The following NTRK1 variants were observed in gnomAD, a reference collection of about 807,000 sequenced individuals.
NTRK1 encodes the protein high affinity nerve growth factor receptor.
NTRK1 carries 62 observed loss-of-function variants against 86.8 expected under a neutral mutation model. The observed-to-expected ratio is 0.71, with a 90% CI of 0.58 to 0.88. The LOEUF (loss-of-function observed/expected upper bound fraction) is 0.88. NTRK1 is among the 40% of genes least tolerant of loss of function. NTRK1 has a pLI of 0.00. For missense variants in NTRK1, 967 were observed against 1,078.4 expected, an observed-to-expected ratio of 0.90 and a Z score of 1.45; for synonymous variants, 469 against 456.6, an observed-to-expected ratio of 1.03 and a Z score of -0.35.
At chr1:156,844,424 G>A in intron 2 of NTRK1, 1 of 1,601,320 alleles carries the variant, frequency 6.2e-7, no homozygotes, top group Non-Finnish European at 8.5e-7. Context: ...AGGTAGGGCT[G>A]TTCGGTGATA....
chr1:156,872,257 A>T (rs1432584261), intron 7 of NTRK1, among the ~76,000 whole-genome samples: 2 of 152,130 alleles, frequency 1.3e-5, no homozygotes, highest in African/African-American at 4.8e-5. Context: ...AACAATAATT[A>T]CTCTTACCAG....
At position 156,870,368 on chromosome 1, in the gene NTRK1, C is replaced by A. The variant is rs1204757341; in HGVS notation, c.718-1255C>A. 2.0e-5 allele frequency among the ~76,000 whole-genome samples: 3 copies of A among 152,058 alleles called. No homozygotes were observed. In the East Asian group the frequency reaches 5.8e-4, roughly 29 times the overall value. The stretch of plus-strand genomic sequence containing the variant: ...TTTGAGACCAGCCTGGGCAACAAAG[C>A]AAGACCCTATCTCTTAAAAAAAATT... On this transcript the variant is annotated intron_variant, in intron 6 of 16. Transcript: ENST00000524377.
chr1:156,831,076 C>A (rs1310522383), intron 1 of NTRK1, among the ~76,000 whole-genome samples: 3 of 152,216 alleles, frequency 2.0e-5, no homozygotes, highest in Admixed American at 1.3e-4. Context: ...TCCCAAATGT[C>A]ATCCTCTCTC....
intron 3 of NTRK1, among the ~76,000 whole-genome samples, chr1:156,865,500 C>T (rs1041088170): frequency 1.3e-5 from 2 of 152,236 alleles, no homozygotes; most frequent in East Asian, 3.8e-4. Context: ...TCACTCACCG[C>T]TGCTCACCTC....
At position 156,879,841 on chromosome 1, in the gene NTRK1, C is replaced by T. The variant is rs562026647; in HGVS notation, c.2047-158C>T. ...GGCCAGGATGGTCTCGATCTCCTGA[C>T]CTCGTGATTGCCCACCTCGGCCTCC... On this transcript the variant is annotated intron_variant, in intron 15 of 16. Coordinates refer to ENST00000524377, the MANE Select transcript of NTRK1 (RefSeq NM_002529.4). Among the ~76,000 whole-genome samples, 225 of 152,224 alleles carry T rather than the reference C, an allele frequency of 1.5e-3. 1 individual carries two copies. The highest frequency in any genetic ancestry group is 5.0e-3 in the Admixed American group (76 of 15,298).
Position 156,880,057 on chromosome 1 carries a change from G to A in NTRK1, c.2105G>A (p.Arg702His), listed in dbSNP as rs200022271. ...RWMPPESILY[R>H]KFTTESDVWS... is the part of the protein sequence containing the mutation. Reference sequence around the variant, plus strand: ...ATGCCGCCCGAGAGCATCCTGTACCGTAAGTTCACCACCGAGAGCGACGTG... The same window carrying A: ...ATGCCGCCCGAGAGCATCCTGTACCATAAGTTCACCACCGAGAGCGACGTG... Residue 702 changes from arginine to histidine, a missense_variant, in exon 16 of 17, where the codon CGT (arginine) becomes CAT (histidine). Physicochemically the swap from Arg to His is conservative, Grantham distance 29 (BLOSUM62 0). Coordinates refer to ENST00000524377, the MANE Select transcript of NTRK1 (RefSeq NM_002529.4). 1.1e-5 allele frequency: 17 copies of A among 1,607,634 alleles called. No individual in the cohort carries two copies. In the East Asian group the frequency reaches 1.8e-4, roughly 17 times the overall value.
At chr1:156,851,808 G>T (rs775520771) in intron 2 of NTRK1, 23 of 1,599,968 alleles carry the variant, frequency 1.4e-5, no homozygotes, top group Non-Finnish European at 1.9e-5. Context: ...GCAAGCAGAT[G>T]TCCTGAGCCT....
chr1:156,831,125 TCAAGA>T (rs2102842145), intron 1 of NTRK1, among the ~76,000 whole-genome samples: 1 of 152,264 alleles, frequency 6.6e-6, no homozygotes, highest in East Asian at 1.9e-4. Context: ...GGGAGGAAAC[TCAAGA>T]GAGTGCAGTC....
intron 1 of NTRK1, among the ~76,000 whole-genome samples, chr1:156,838,207 G>T (rs1013525006): frequency 6.6e-6 from 1 of 151,938 alleles, no homozygotes; most frequent in Non-Finnish European, 1.5e-5. Flanking sequence ...CCACAAAGAT[G>T]CATCAGTTGT....
At chr1:156,860,414 G>C (rs1264324943), upstream of NTRK1, among the ~76,000 whole-genome samples, 1 of 152,202 alleles carries the variant, frequency 6.6e-6, no homozygotes, top group Non-Finnish European at 1.5e-5. Flanking sequence ...TTTCTTCCTA[G>C]AGTTCGGAGA....
intron 1 of NTRK1, among the ~76,000 whole-genome samples, chr1:156,827,767 A>C (rs11264565): frequency 0.12 from 17,568 of 152,150 alleles, 1,319 homozygotes; most frequent in African/African-American, 0.21. Flanking sequence ...GTGAGAGACT[A>C]TGAACCTGAA....
intron 2 of NTRK1, chr1:156,851,552 G>T: frequency 3.1e-6 from 5 of 1,607,578 alleles, no homozygotes; most frequent in South Asian, 1.1e-5. Context: ...CCAGGATGAT[G>T]GAAAATTGTG....
intron 2 of NTRK1, among the ~76,000 whole-genome samples, chr1:156,855,212 T>TATCTATCTATCTATC (rs60194471): frequency 0.088 from 2,509 of 28,370 alleles, 26 homozygotes; most frequent in South Asian, 0.13. Context: ...ATCTATCTAT[T>TATCTATCTATCTATC]TATTTATTTG....
chr1:156,842,380 G>C (rs1288954104), intron 2 of NTRK1: 2 of 1,613,246 alleles, frequency 1.2e-6, no homozygotes, highest in Non-Finnish European at 8.5e-7. Flanking sequence ...CACTCCCCAG[G>C]GTCTTCCTGG....
intron 1 of NTRK1, among the ~76,000 whole-genome samples, chr1:156,819,756 T>A (rs983242291): frequency 6.6e-6 from 1 of 152,086 alleles, no homozygotes; most frequent in East Asian, 1.9e-4. Context: ...TGACCTCAGG[T>A]GATCCACCCG....
intron 1 of NTRK1, among the ~76,000 whole-genome samples, chr1:156,838,966 T>C (rs1057487001): frequency 1.3e-5 from 2 of 152,232 alleles, no homozygotes; most frequent in East Asian, 1.9e-4. Flanking sequence ...GGAGTCTCTC[T>C]ACCCTTTCAC....
intron 15 of NTRK1, 66 bp from the exon 16 acceptor site, chr1:156,879,933 G>A (rs1648154506): frequency 1.3e-6 from 2 of 1,588,874 alleles, no homozygotes; most frequent in African/African-American, 1.3e-5. Flanking sequence ...TGGGGCTGGG[G>A]TAGGCTGTGC....
At chr1:156,818,100 C>T (rs1334107305) in intron 1 of NTRK1, among the ~76,000 whole-genome samples, 1 of 152,188 alleles carries the variant, frequency 6.6e-6, no homozygotes, top group Non-Finnish European at 1.5e-5. Flanking sequence ...CAGGGTCTTT[C>T]AGTGTCTGAG....
intron 2 of NTRK1, chr1:156,845,682 G>C (rs762739029): frequency 6.2e-7 from 1 of 1,611,548 alleles, no homozygotes; most frequent in African/African-American, 1.3e-5. Context: ...GGCCTCTTGC[G>C]CCTCCAGCGG....
Sources: allele counts gnomAD v4.1 joint callset (sites outside exome capture counted in the v4.1 genomes callset), GRCh38; gene constraint gnomAD v4.1.1; transcripts MANE v1.5; gene names NCBI Gene and HGNC (gene_info 2026-07-23, HGNC 2026-07-21).